Variants in PLCE1 observed in about 807,000 individuals in gnomAD.
PLCE1 encodes phospholipase C epsilon 1, also known as 1-phosphatidylinositol 4,5-bisphosphate phosphodiesterase epsilon-1.
PLCE1 carries 119 observed loss-of-function variants against 242.8 expected under a neutral mutation model. That is an observed-to-expected ratio of 0.49 (90% CI 0.42 to 0.57). PLCE1 has a LOEUF of 0.57. Ranked by LOEUF, PLCE1 falls within the 20% of genes least tolerant of loss-of-function variation. The pLI is 0.00. For synonymous variants in PLCE1, 945 were observed against 1,017.4 expected, an observed-to-expected ratio of 0.93 and a Z score of 1.35; for missense variants, 2,441 against 2,788.8, an observed-to-expected ratio of 0.88 and a Z score of 2.81.
intron 3 of PLCE1, among the ~76,000 whole-genome samples, chr10:94,152,326 T>C (rs2047301157): frequency 6.6e-6 from 1 of 152,204 alleles, no homozygotes; most frequent in Non-Finnish European, 1.5e-5. Flanking sequence ...ATTAGATACA[T>C]CGCATAGGTG....
At chr10:94,183,816 A>C (rs1239095147) in intron 4 of PLCE1, among the ~76,000 whole-genome samples, 1 of 152,152 alleles carries the variant, frequency 6.6e-6, no homozygotes, top group Admixed American at 6.5e-5. Flanking sequence ...TGAGAGCAAG[A>C]GAGAGAAAAG....
At chr10:94,098,309 C>A (rs1273467837) in intron 2 of PLCE1, among the ~76,000 whole-genome samples, 1 of 152,198 alleles carries the variant, frequency 6.6e-6, no homozygotes, top group Non-Finnish European at 1.5e-5. Flanking sequence ...CATCACCTAG[C>A]TTCAACATTT....
At chr10:94,322,357 T>A (rs1352120584) in intron 30 of PLCE1, among the ~76,000 whole-genome samples, 7 of 150,164 alleles carry the variant, frequency 4.7e-5, no homozygotes, top group Non-Finnish European at 8.9e-5. Flanking sequence ...TGTCTCTAAT[T>A]GAAAAAAAAA....
At chr10:94,237,132 A>T (rs1327090872) in intron 7 of PLCE1, among the ~76,000 whole-genome samples, 2 of 152,208 alleles carry the variant, frequency 1.3e-5, no homozygotes, top group Non-Finnish European at 2.9e-5. Context: ...TGGGAGAAGA[A>T]TGCCTTCTCC....
In PLCE1 at chr10:94,050,919, T is replaced by G. The variant is rs148517546; in HGVS notation, c.1206+18667T>G. Among the ~76,000 whole-genome samples, 30 of 152,234 alleles carry G rather than the reference T, an allele frequency of 2.0e-4. No individual in the cohort carries two copies. The East Asian group carries it at 5.4e-3, about 28-fold the overall frequency. ...GAAAGCATAGGCTAGGTTCACAGCA[T>G]GAAGTGATGGAGAAAATGATCAAGG... On this transcript the variant is annotated intron_variant, in intron 2 of 32. Transcript: ENST00000371380.
intron 2 of PLCE1, among the ~76,000 whole-genome samples, chr10:94,090,951 C>A (rs373061740): frequency 5.3e-5 from 8 of 152,324 alleles, no homozygotes; most frequent in African/African-American, 1.9e-4. Context: ...AACATGCAGA[C>A]TCTTAATTGT....
chr10:94,246,027 C>T lies in PLCE1; in HGVS notation c.2502C>T (p.Asp834=). The change falls in exon 8 of 33, where the codon GAC becomes GAT. Residue 834 remains aspartate, a synonymous_variant. Transcript: ENST00000371380. Reference sequence around the variant, plus strand: ...AATACGACTCTCATGGTTCAGAGGACTCACAGAAGGCCTTCGACCATGGGA... The same window carrying T: ...AATACGACTCTCATGGTTCAGAGGATTCACAGAAGGCCTTCGACCATGGGA... The part of the protein sequence containing the change: ...SKEYDSHGSE[D]SQKAFDHGTE... 1 of 1,614,082 alleles carries T rather than the reference C, an allele frequency of 6.2e-7. No homozygotes were observed. Among genetic ancestry groups the T allele is most frequent in the Middle Eastern group, 1.6e-4 (1 of 6,062 alleles).
At chr10:94,035,672 G>C (rs1056320831) in intron 2 of PLCE1, among the ~76,000 whole-genome samples, 2 of 152,086 alleles carry the variant, frequency 1.3e-5, no homozygotes. Context: ...TAAAGGGGGG[G>C]CCCTTTCTGA....
At chr10:94,312,176 T>C (rs1448423805) in intron 27 of PLCE1, among the ~76,000 whole-genome samples, 2 of 152,228 alleles carry the variant, frequency 1.3e-5, no homozygotes, top group South Asian at 2.1e-4. Flanking sequence ...GTATGACAAT[T>C]ATACTTCAGT....
chr10:94,277,934 A>G (rs1426268335), intron 19 of PLCE1, among the ~76,000 whole-genome samples: 1 of 152,204 alleles, frequency 6.6e-6, no homozygotes, highest in South Asian at 2.1e-4. Context: ...GCTTCCAGGC[A>G]TTCAGTGTAT....
At chr10:94,294,581 G>A (rs1012952953) in intron 23 of PLCE1, among the ~76,000 whole-genome samples, 1 of 152,118 alleles carries the variant, frequency 6.6e-6, no homozygotes, top group Non-Finnish European at 1.5e-5. Flanking sequence ...TAAAAGTTAT[G>A]TCTACACTAT....
intron 2 of PLCE1, among the ~76,000 whole-genome samples, chr10:94,122,433 G>A (rs370876026): frequency 5.6e-4 from 86 of 152,266 alleles, no homozygotes; most frequent in African/African-American, 1.9e-3. Flanking sequence ...CATCCATATG[G>A]TAATTACCAT....
chr10:94,024,190 A>G (rs1278853059), intron 1 of PLCE1, among the ~76,000 whole-genome samples: 1 of 152,168 alleles, frequency 6.6e-6, no homozygotes, highest in African/African-American at 2.4e-5. Context: ...CTCTTTGCTG[A>G]GTGGGCCTTG....
At chr10:94,024,118 C>T (rs2061420632) in intron 1 of PLCE1, among the ~76,000 whole-genome samples, 1 of 152,050 alleles carries the variant, frequency 6.6e-6, no homozygotes, top group South Asian at 2.1e-4. Context: ...CCATGTGCAC[C>T]GTGTGCACGT....
intron 20 of PLCE1, chr10:94,280,169 T>A: frequency 1.9e-6 from 1 of 513,824 alleles, no homozygotes; most frequent in Non-Finnish European, 3.5e-6. Flanking sequence ...GAGGAAGAGA[T>A]GGAATTGCAG....
chr10:94,230,246 T>C (rs1166450583), intron 5 of PLCE1, among the ~76,000 whole-genome samples: 3 of 152,074 alleles, frequency 2.0e-5, no homozygotes, highest in Non-Finnish European at 4.4e-5. Context: ...TGAACAACAA[T>C]AGGAAAATAG....
intron 4 of PLCE1, among the ~76,000 whole-genome samples, chr10:94,184,994 A>G (rs1025201788): frequency 5.9e-5 from 9 of 152,238 alleles, no homozygotes; most frequent in Admixed American, 5.2e-4. Context: ...TTATCCTATT[A>G]GGTACTGTTA....
chr10:94,123,418 G>A (rs943853186), intron 2 of PLCE1, among the ~76,000 whole-genome samples: 8 of 152,132 alleles, frequency 5.3e-5, no homozygotes, highest in East Asian at 3.9e-4. Context: ...TTGTCTTTCC[G>A]GAGTTCTGTT....
At chr10:94,182,404 C>T (rs951478058) in intron 4 of PLCE1, among the ~76,000 whole-genome samples, 4 of 151,462 alleles carry the variant, frequency 2.6e-5, no homozygotes, top group African/African-American at 9.7e-5. Flanking sequence ...GTAGCTGGAT[C>T]ACAGATGTGC....
Sources: allele counts gnomAD v4.1 joint callset (sites outside exome capture counted in the v4.1 genomes callset), GRCh38; gene constraint gnomAD v4.1.1; transcripts MANE v1.5; gene names NCBI Gene and HGNC (gene_info 2026-07-23, HGNC 2026-07-21).